The following TMX4 variants were observed in gnomAD, a reference collection of about 807,000 sequenced individuals.
TMX4 encodes thioredoxin related transmembrane protein 4.
Under a neutral mutation model 33.3 loss-of-function variants are expected in TMX4, and 23 were observed. That is an observed-to-expected ratio of 0.69 (90% CI 0.50 to 0.98). TMX4 has a LOEUF of 0.98. Among genes scored for constraint, TMX4 ranks in the 50% least tolerant of loss-of-function variants. The pLI is 0.00. For synonymous variants in TMX4, 164 were observed against 161.5 expected (o/e 1.02, Z -0.12); for missense variants, 399 against 448.9 (o/e 0.89, Z 1.01).
intron 2 of TMX4, among the ~76,000 whole-genome samples, chr20:8,007,729 T>C (rs2050736665): frequency 6.6e-6 from 1 of 152,102 alleles, no homozygotes. Context: ...CCCACAAAGG[T>C]TTTTGAAATT....
Position 7,996,038 on chromosome 20 carries a change from A to C in TMX4, c.501T>G (p.Ser167=), listed in dbSNP as rs1017253512. Residue 167 remains serine, a synonymous_variant, in exon 5 of 8, where the codon TCT becomes TCG. Coordinates refer to ENST00000246024, the MANE Select transcript of TMX4 (RefSeq NM_021156.4). ...MSGMAGLFSI[S]GKIWHLHNYF... is the part of the protein sequence containing the mutation. The stretch of plus-strand genomic sequence containing the variant: ...TAAGATTACTTACCCATATCTTGCC[A>C]GAGATGCTAAAAAGACCAGCCATTC... 1.8e-5 allele frequency: 29 copies of C among 1,611,226 alleles called. No homozygotes were observed. The African/African-American group carries it at 3.5e-4, about 19-fold the overall frequency.
intron 2 of TMX4, among the ~76,000 whole-genome samples, chr20:8,008,959 T>C (rs1216950714): frequency 6.6e-6 from 1 of 152,198 alleles, no homozygotes; most frequent in Non-Finnish European, 1.5e-5. Flanking sequence ...ATGTACCATC[T>C]ATTCTGTTAT....
intron 5 of TMX4, among the ~76,000 whole-genome samples, chr20:7,993,888 C>A (rs1313324187): frequency 1.3e-5 from 2 of 151,980 alleles, no homozygotes; most frequent in Non-Finnish European, 2.9e-5. Flanking sequence ...ACAATCAGGA[C>A]AAATGTTTTA....
intron 7 of TMX4, 24 bp from the exon 8 acceptor site, chr20:7,982,645 A>T: frequency 1.9e-6 from 3 of 1,583,524 alleles, no homozygotes; most frequent in Non-Finnish European, 1.7e-6. Context: ...AAAGAGGAAT[A>T]TCCTCTGAAT....
At chr20:8,008,547 A>G (rs2050739819) in intron 2 of TMX4, among the ~76,000 whole-genome samples, 2 of 152,200 alleles carry the variant, frequency 1.3e-5, no homozygotes, top group Admixed American at 6.5e-5. Flanking sequence ...TTAATTAAAC[A>G]TAAGATTTGT....
intron 4 of TMX4, 53 bp downstream of exon 4, chr20:7,999,679 A>T: frequency 6.4e-7 from 1 of 1,571,994 alleles, no homozygotes; most frequent in South Asian, 1.2e-5. Flanking sequence ...CAGGCTATTA[A>T]CTTAAAACCT....
At chr20:7,995,882 C>A (rs1457162282) in intron 5 of TMX4, 144 bp downstream of exon 5, 1 of 657,894 alleles carries the variant, frequency 1.5e-6, no homozygotes, top group Non-Finnish European at 2.6e-6. Flanking sequence ...CACTGGAAAC[C>A]CCACATGAGA....
rs1418440192 is a variant in TMX4 at position 7,979,260 on chromosome 20, A to C, written c.*2991T>G. 6.6e-6 allele frequency: 1 copy of C among 152,142 alleles called. No individual in the cohort carries two copies. Among genetic ancestry groups the C allele is most frequent in the Non-Finnish European group, 1.5e-5 (1 of 68,020 alleles). The allele number at this position is 152,142 out of a possible 1,614,324, so 9.4% of individuals were successfully genotyped here. A position where few individuals can be genotyped will look rare whatever the true frequency, so the allele number is the denominator to read the frequency against. ...CATTAAGTATTGAAAACAAACCTAA[A>C]ATCTTCAAGTGGAAAGATATTAAAT... On this transcript the variant is annotated 3_prime_UTR_variant, in exon 8 of 8. Transcript: ENST00000246024.
chr20:7,997,777 C>A (rs1395090701), intron 4 of TMX4, among the ~76,000 whole-genome samples: 1 of 152,224 alleles, frequency 6.6e-6, no homozygotes, highest in African/African-American at 2.4e-5. Flanking sequence ...TGCTAAATAT[C>A]CTTTGTTCAA....
chr20:8,003,833 C>T (rs998174089), intron 2 of TMX4, among the ~76,000 whole-genome samples: 1 of 151,998 alleles, frequency 6.6e-6, no homozygotes, highest in African/African-American at 2.4e-5. Flanking sequence ...TTTACAAGGC[C>T]ATCAATTAAG....
At chr20:7,992,834 T>A (rs1296322395) in intron 5 of TMX4, among the ~76,000 whole-genome samples, 1 of 152,242 alleles carries the variant, frequency 6.6e-6, no homozygotes, top group Non-Finnish European at 1.5e-5. Flanking sequence ...CTTCTAGATA[T>A]CTTCTAGATA....
chr20:7,978,442 G>A lies in TMX4; in HGVS notation c.*3809C>T, dbSNP rs982910800. The A allele has an allele frequency of 1.4e-4, 21 of 151,998 alleles. No individual in the cohort carries two copies. Among genetic ancestry groups the A allele is most frequent in the African/African-American group, 4.1e-4 (17 of 41,352 alleles). The allele number at this position is 151,998 out of a possible 1,614,324, so 9.4% of individuals were successfully genotyped here. The stretch of plus-strand genomic sequence containing the variant: ...ATTTGCCTTAAAAATGACTTTTATC[G>A]TCTACCCCAAAGGTGTTTTTACAGG... On this transcript the variant is annotated 3_prime_UTR_variant, in exon 8 of 8. Transcript: ENST00000246024.
At chr20:7,999,596 C>CTA in intron 4 of TMX4, 136 bp downstream of exon 4, 1 of 990,658 alleles carries the variant, frequency 1.0e-6, no homozygotes, top group Non-Finnish European at 1.4e-6. Flanking sequence ...ACTGCATGGG[C>CTA]TAAGCATGGC....
At chr20:8,007,584 C>T (rs756819928) in intron 2 of TMX4, among the ~76,000 whole-genome samples, 10 of 152,166 alleles carry the variant, frequency 6.6e-5, no homozygotes, top group Non-Finnish European at 1.2e-4. Flanking sequence ...CCAACAAGAC[C>T]TCACAGGGTG....
Position 7,999,789 on chromosome 20 carries a change from T to C in TMX4, c.410A>G (p.Glu137Gly). 1.2e-6 allele frequency: 2 copies of C among 1,613,750 alleles called. No homozygotes were observed. Among genetic ancestry groups the C allele is most frequent in the Non-Finnish European group, 1.7e-6 (2 of 1,179,882 alleles). ...AGGCTCGACTGATTGCCATTTCTTC[T>C]CTAAGATATAATTCTGCAGGTCTTC... is the stretch of plus-strand genomic sequence containing the variant. ...IFEDLQNYIL[E>G]KKWQSVEPLT... The change falls in exon 4 of 8, where the codon GAG (glutamate) becomes GGG (glycine). Residue 137 changes from glutamate (E) to glycine (G), a missense_variant. Coordinates refer to ENST00000246024, the MANE Select transcript of TMX4 (RefSeq NM_021156.4).
rs1324569621 is a variant in TMX4, at chr20:7,977,442, T to A, written c.*4809A>T. 6.6e-6 allele frequency: 1 copy of A among 152,238 alleles called. No individual in the cohort carries two copies. Among genetic ancestry groups the A allele is most frequent in the African/African-American group, 2.4e-5 (1 of 41,454 alleles). The allele number at this position is 152,238 out of a possible 1,614,324, so 9.4% of individuals were successfully genotyped here. ...GTGAAAACACTTGTATGAAAAGCAA[T>A]ACACCATTTGTTTTTACTTACCAAT... On this transcript the variant is annotated 3_prime_UTR_variant, in exon 8 of 8. Coordinates refer to ENST00000246024, the MANE Select transcript of TMX4 (RefSeq NM_021156.4).
intron 2 of TMX4, among the ~76,000 whole-genome samples, chr20:8,009,345 G>C (rs1361906554): frequency 6.6e-6 from 1 of 152,008 alleles, no homozygotes; most frequent in African/African-American, 2.4e-5. Context: ...AATCAGTGTA[G>C]ACAGAATGAC....
chr20:7,985,272 TA>T lies in TMX4; in HGVS notation c.616-1416del, dbSNP rs1425003360. 3.3e-3 allele frequency among the ~76,000 whole-genome samples: 337 copies of T among 100,928 alleles called. 2 individuals are homozygous for T. Among genetic ancestry groups the T allele is most frequent in the African/African-American group, 0.017 (269 of 16,156 alleles). 66.2% of individuals were successfully genotyped at this position (100,928 alleles called of 152,430 possible). A position where few individuals can be genotyped will look rare whatever the true frequency, so the allele number is the denominator to read the frequency against. ...GTGTGTGTGTGTATATATATATATA[TA>T]TATATTTTTTTTTTTTTTGAGACAG... On this transcript the variant is annotated intron_variant, in intron 6 of 7. Transcript: ENST00000246024.
chr20:7,990,227 G>A (rs1056164255), intron 5 of TMX4, among the ~76,000 whole-genome samples: 13 of 151,820 alleles, frequency 8.6e-5, no homozygotes, highest in African/African-American at 2.4e-4. Context: ...CACGGTAGGC[G>A]GAGGTTGCAG....
Sources: allele counts gnomAD v4.1 joint callset (sites outside exome capture counted in the v4.1 genomes callset), GRCh38; gene constraint gnomAD v4.1.1; transcripts MANE v1.5; gene names NCBI Gene and HGNC (gene_info 2026-07-23, HGNC 2026-07-21).